MYCBP2: variants seen among roughly 807,000 people sequenced by gnomAD.
MYCBP2 encodes the protein E3 ubiquitin-protein ligase MYCBP2.
Under a neutral mutation model 525.3 loss-of-function variants are expected in MYCBP2, and 120 were observed. The ratio of observed to expected loss-of-function variants is 0.23; its 90% CI spans 0.20 to 0.27. MYCBP2 has a LOEUF of 0.27. Among genes scored for constraint, MYCBP2 ranks in the 10% least tolerant of loss-of-function variants. The pLI is 1.00. For synonymous variants in MYCBP2, 1,894 were observed against 1,955.8 expected, an observed-to-expected ratio of 0.97 and a Z score of 0.83; for missense variants, 4,149 against 5,657.1, an observed-to-expected ratio of 0.73 and a Z score of 8.55.
At chr13:77,060,194 T>A (rs1012442702) in intron 76 of MYCBP2, among the ~76,000 whole-genome samples, 22 of 152,170 alleles carry the variant, frequency 1.4e-4, no homozygotes, top group Admixed American at 1.4e-3. Flanking sequence ...AACGTGAAGA[T>A]TTGAAAATTA....
chr13:77,209,679 C>T (rs947576340), intron 23 of MYCBP2, among the ~76,000 whole-genome samples: 28 of 152,184 alleles, frequency 1.8e-4, no homozygotes, highest in African/African-American at 5.3e-4. Context: ...GTTATTTCAT[C>T]TACCCTGCAC....
intron 55 of MYCBP2, among the ~76,000 whole-genome samples, chr13:77,107,659 G>A (rs1329095239): frequency 6.6e-6 from 1 of 152,068 alleles, no homozygotes; most frequent in Non-Finnish European, 1.5e-5. Context: ...GATCACTAGA[G>A]CCTGGGAGAG....
chr13:77,267,750 C>A lies in MYCBP2; in HGVS notation c.1357+91G>T, dbSNP rs1594492188. The A allele has an allele frequency of 5.1e-6, 5 of 981,926 alleles. No homozygotes were observed. In the East Asian group the frequency reaches 9.6e-5, roughly 19 times the overall value. 60.8% of individuals were successfully genotyped at this position (981,926 alleles called of 1,614,324 possible). ...AACCCTTTTATAAGCAAGCACTATC[C>A]CTTGCTAATCATTCTTTATGTGTCT... On this transcript the variant is annotated intron_variant, in intron 8 of 82. Transcript: ENST00000544440.
In MYCBP2 at chr13:77,051,165, A is replaced by G; in HGVS notation, c.13756-3T>C. ...TCTGTGCCATGTTTGGGACACATCT[A>G]TAGCAAAAGAGAAGAGACAGACACA... On this transcript the variant is annotated splice_region_variant and splice_polypyrimidine_tract_variant and intron_variant, in intron 81 of 82. Coordinates refer to ENST00000544440, the MANE Select transcript of MYCBP2 (RefSeq NM_015057.5). 6.3e-7 allele frequency: 1 copy of G among 1,599,040 alleles called. No homozygotes were observed. The highest frequency in any genetic ancestry group is 8.5e-7 in the Non-Finnish European group (1 of 1,175,314).
intron 5 of MYCBP2, among the ~76,000 whole-genome samples, chr13:77,272,628 A>G (rs1396065580): frequency 6.6e-6 from 1 of 152,224 alleles, no homozygotes; most frequent in African/African-American, 2.4e-5. Context: ...AAAATAATTA[A>G]GGACCATAAA....
At chr13:77,103,882 G>GA (rs1213063135) in intron 55 of MYCBP2, among the ~76,000 whole-genome samples, 1 of 151,914 alleles carries the variant, frequency 6.6e-6, no homozygotes, top group African/African-American at 2.4e-5. Context: ...TTGTTTTGTA[G>GA]ATCCTACTTC....
At chr13:77,071,445 TAGAG>T (rs983367206) in intron 68 of MYCBP2, among the ~76,000 whole-genome samples, 26 of 152,284 alleles carry the variant, frequency 1.7e-4, no homozygotes, top group African/African-American at 5.5e-4. Flanking sequence ...TTTCTTAAGA[TAGAG>T]AGCCAGAAGA....
chr13:77,233,369 G>A (rs1198488687), intron 17 of MYCBP2, 106 bp from the exon 18 acceptor site: 11 of 886,844 alleles, frequency 1.2e-5, no homozygotes, highest in East Asian at 8.0e-5. Context: ...TATTCTTAAC[G>A]GTTTTGGACA....
At chr13:77,306,405 A>G (rs950156043) in intron 1 of MYCBP2, among the ~76,000 whole-genome samples, 1 of 152,208 alleles carries the variant, frequency 6.6e-6, no homozygotes, top group Non-Finnish European at 1.5e-5. Flanking sequence ...TTAACAGTTC[A>G]ACTTGATTTA....
intron 82 of MYCBP2, among the ~76,000 whole-genome samples, chr13:77,050,770 C>T (rs541888594): frequency 6.6e-6 from 1 of 152,258 alleles, no homozygotes; most frequent in African/African-American, 2.4e-5. Flanking sequence ...CATTCTCACT[C>T]CCCATGAGAT....
At chr13:77,185,822 T>C in intron 31 of MYCBP2, 49 bp downstream of exon 31, 1 of 1,306,616 alleles carries the variant, frequency 7.7e-7, no homozygotes, top group Non-Finnish European at 1.0e-6. Flanking sequence ...ATCTTCTCAA[T>C]GTCTCTAATA....
intron 74 of MYCBP2, among the ~76,000 whole-genome samples, 165 bp downstream of exon 74, chr13:77,062,431 T>C (rs1175913092): frequency 6.6e-6 from 1 of 152,232 alleles, no homozygotes; most frequent in Non-Finnish European, 1.5e-5. Flanking sequence ...AGGGACTCTC[T>C]GAAATAGACT....
intron 32 of MYCBP2, among the ~76,000 whole-genome samples, chr13:77,183,767 C>G (rs963997143): frequency 3.3e-5 from 5 of 151,646 alleles, no homozygotes; most frequent in Admixed American, 2.6e-4. Context: ...AGGCTGGTCT[C>G]GAACTCCTGA....
intron 55 of MYCBP2, among the ~76,000 whole-genome samples, chr13:77,107,989 T>C (rs559840601): frequency 1.3e-5 from 2 of 152,222 alleles, no homozygotes; most frequent in Admixed American, 6.6e-5. Context: ...CTAAAAGAAT[T>C]AGACTAAAGA....
At chr13:77,299,933 AG>A (rs1179599935) in intron 1 of MYCBP2, among the ~76,000 whole-genome samples, 2 of 152,234 alleles carry the variant, frequency 1.3e-5, no homozygotes, top group East Asian at 3.8e-4. Context: ...ACACTGCTTA[AG>A]AAAAATCAAA....
intron 18 of MYCBP2, 110 bp downstream of exon 18, chr13:77,233,046 T>C: frequency 7.9e-6 from 7 of 890,730 alleles, no homozygotes; most frequent in Non-Finnish European, 1.3e-5. Context: ...TACATCATGA[T>C]AGAAGCAAAG....
chr13:77,260,377 A>C, intron 13 of MYCBP2, 51 bp downstream of exon 13: 1 of 1,313,056 alleles, frequency 7.6e-7, no homozygotes, highest in South Asian at 1.5e-5. Context: ...TGTCATACAT[A>C]ACTAGTATTG....
intron 57 of MYCBP2, 139 bp from the exon 58 acceptor site, chr13:77,095,741 C>T: frequency 9.2e-7 from 1 of 1,088,740 alleles, no homozygotes; most frequent in Non-Finnish European, 1.3e-6. Flanking sequence ...TTATAAAAAA[C>T]AACATTCATT....
intron 40 of MYCBP2, among the ~76,000 whole-genome samples, chr13:77,167,869 A>G (rs1363069193): frequency 6.6e-6 from 1 of 152,218 alleles, no homozygotes; most frequent in Non-Finnish European, 1.5e-5. Flanking sequence ...TTCTACCATG[A>G]AAAGTGGAAT....
Sources: allele counts gnomAD v4.1 joint callset (sites outside exome capture counted in the v4.1 genomes callset), GRCh38; gene constraint gnomAD v4.1.1; transcripts MANE v1.5; gene names NCBI Gene and HGNC (gene_info 2026-07-23, HGNC 2026-07-21).